Variants in TTLL6 observed in about 807,000 individuals in gnomAD.
The protein encoded by TTLL6 is tubulin tyrosine ligase like 6.
Under a neutral mutation model 96.4 loss-of-function variants are expected in TTLL6, and 75 were observed. The observed-to-expected ratio is 0.78, with a 90% CI of 0.65 to 0.94. TTLL6 has a LOEUF of 0.94. Among genes scored for constraint, TTLL6 ranks in the 40% least tolerant of loss-of-function variants. TTLL6 has a pLI of 0.00. For missense variants in TTLL6, 1,030 were observed against 1,093.0 expected (o/e 0.94, Z 0.81); for synonymous variants, 411 against 419.4 (o/e 0.98, Z 0.24).
intron 3 of TTLL6, among the ~76,000 whole-genome samples, chr17:48,802,382 C>T (rs981006526): frequency 1.3e-5 from 2 of 152,222 alleles, no homozygotes; most frequent in African/African-American, 4.8e-5. Context: ...ATTAAGCATG[C>T]ATTTTTTTAA....
intron 3 of TTLL6, among the ~76,000 whole-genome samples, chr17:48,802,663 G>T (rs2039445183): frequency 6.6e-6 from 1 of 152,242 alleles, no homozygotes; most frequent in African/African-American, 2.4e-5. Context: ...CTGAGGTCAG[G>T]AGTTCGAGAC....
chr17:48,816,929 C>T, intron 1 of TTLL6, 41 bp downstream of exon 1: 1 of 1,438,210 alleles, frequency 7.0e-7, no homozygotes, highest in South Asian at 1.3e-5. Context: ...CACCAGGAGG[C>T]TGCGGTCTGG....
chr17:48,816,015 A>G (rs1029728889), intron 1 of TTLL6, among the ~76,000 whole-genome samples: 2 of 152,174 alleles, frequency 1.3e-5, no homozygotes, highest in Admixed American at 1.3e-4. Flanking sequence ...GCCTCTCTGT[A>G]CCTCAGCTTC....
At chr17:48,796,859 G>A (rs1191010280) in intron 7 of TTLL6, among the ~76,000 whole-genome samples, 3 of 152,024 alleles carry the variant, frequency 2.0e-5, no homozygotes. Context: ...TTATGCTCTG[G>A]GTTTTAATCT....
At position 48,789,911 on chromosome 17, in the gene TTLL6, G is replaced by C; in HGVS notation, c.1400+20C>G. The C allele has an allele frequency of 5.0e-6, 8 of 1,612,564 alleles. No homozygotes were observed. Among genetic ancestry groups the C allele is most frequent in the South Asian group, 1.1e-5 (1 of 90,906 alleles). On this transcript the variant is annotated intron_variant, in intron 10 of 15. Transcript: ENST00000393382. ...GGAGTCAGAGAGAGAGCCCCGCAAG[G>C]CTGGGGAGTGCGAATGTACCTCATC...
At chr17:48,809,145 TC>T (rs11361950) in intron 1 of TTLL6, among the ~76,000 whole-genome samples, 22,745 of 152,180 alleles carry the variant, frequency 0.15, 1,927 homozygotes, top group African/African-American at 0.22. Flanking sequence ...GCCACTTGTT[TC>T]TTTCTCTTTC....
intron 15 of TTLL6, among the ~76,000 whole-genome samples, chr17:48,768,018 G>A (rs962466455): frequency 1.3e-5 from 2 of 152,182 alleles, no homozygotes; most frequent in Admixed American, 1.3e-4. Flanking sequence ...CTCAATTTTA[G>A]CCATAAGTGG....
intron 1 of TTLL6, among the ~76,000 whole-genome samples, chr17:48,811,743 G>A (rs1254787315): frequency 6.8e-6 from 1 of 148,000 alleles, no homozygotes; most frequent in African/African-American, 2.5e-5. Context: ...TGTCACCCAG[G>A]CTGGAGTGCA....
chr17:48,788,247 G>C (rs548317764), intron 10 of TTLL6, among the ~76,000 whole-genome samples: 1 of 152,196 alleles, frequency 6.6e-6, no homozygotes. Flanking sequence ...ACCAAATTCT[G>C]TCCTGTTCCA....
In TTLL6 at chr17:48,777,047, CA is replaced by C. The variant is rs60988272; in HGVS notation, c.2041-6951del. Among the ~76,000 whole-genome samples, 33 of 151,794 alleles carry C rather than the reference CA, an allele frequency of 2.2e-4. No homozygotes were observed. In the East Asian group the frequency reaches 4.1e-3, roughly 19 times the overall value. On this transcript the variant is annotated intron_variant, in intron 13 of 15. Coordinates refer to ENST00000393382, the MANE Select transcript of TTLL6 (RefSeq NM_001130918.3). ...ACACACACACACACACACACACACA[CA>C]CCCCTAAAAAATCAAAGGAACAGAA...
intron 15 of TTLL6, among the ~76,000 whole-genome samples, chr17:48,764,976 A>G (rs988388362): frequency 6.6e-6 from 1 of 152,220 alleles, no homozygotes; most frequent in Non-Finnish European, 1.5e-5. Context: ...AGTATCATTT[A>G]ACAGACAGAT....
intron 6 of TTLL6, among the ~76,000 whole-genome samples, chr17:48,797,826 A>G (rs1455982304): frequency 7.0e-6 from 1 of 143,630 alleles, no homozygotes; most frequent in Admixed American, 7.0e-5. Context: ...CTGATGGGCC[A>G]GGTGCAGTGG....
chr17:48,817,106 T>G lies in TTLL6; in HGVS notation c.-34A>C. 4 of 1,498,256 alleles carry G rather than the reference T, an allele frequency of 2.7e-6. No individual in the cohort carries two copies. The highest frequency in any genetic ancestry group is 3.6e-6 in the Non-Finnish European group (4 of 1,115,180). The allele number at this position is 1,498,256 out of a possible 1,614,324, so 92.8% of individuals were successfully genotyped here. ...AGACAGCCCCAACCCCAACCCGCGC[T>G]CGCCCTAACTTTGGGTCCGCCCGGC... On this transcript the variant is annotated 5_prime_UTR_variant, in exon 1 of 16. Coordinates refer to ENST00000393382, the MANE Select transcript of TTLL6 (RefSeq NM_001130918.3).
Position 48,787,904 on chromosome 17 carries a change from C to T in TTLL6, c.1496G>A (p.Ser499Asn), listed in dbSNP as rs1019384028. ...NCGGFRLIYPSLNSEKYEKFF... is the reference protein window; with the variant it reads ...NCGGFRLIYPNLNSEKYEKFF... ...CTTCTCATACTTCTCCGAATTCAGA[C>T]TGGGATAAATCAGTCGGAACCCTCC... The change falls in exon 11 of 16, where the codon AGT becomes AAT. Residue 499 changes from serine to asparagine, a missense_variant. Transcript: ENST00000393382. 6.2e-6 allele frequency: 10 copies of T among 1,614,086 alleles called. No homozygotes were observed. The highest frequency in any genetic ancestry group is 1.3e-5 in the African/African-American group (1 of 74,930).
At chr17:48,766,838 C>A (rs995308847) in intron 15 of TTLL6, among the ~76,000 whole-genome samples, 1 of 152,188 alleles carries the variant, frequency 6.6e-6, no homozygotes, top group Non-Finnish European at 1.5e-5. Flanking sequence ...CAATAACAGG[C>A]CCACAGGTCA....
chr17:48,775,960 T>C (rs760110477), intron 13 of TTLL6, among the ~76,000 whole-genome samples: 1 of 152,154 alleles, frequency 6.6e-6, no homozygotes, highest in African/African-American at 2.4e-5. Flanking sequence ...TAGTAAAAGA[T>C]TGAATGTTTC....
chr17:48,808,374 A>ATGTG (rs149038470), intron 1 of TTLL6, among the ~76,000 whole-genome samples: 1,560 of 148,670 alleles, frequency 0.01, 11 homozygotes, highest in African/African-American at 0.031. Context: ...TCTCATATGT[A>ATGTG]TGTGTGTGTG....
At position 48,770,061 on chromosome 17, in the gene TTLL6, T is replaced by C. The variant is rs1597958867; in HGVS notation, c.2077A>G (p.Thr693Ala). 6.2e-7 allele frequency: 1 copy of C among 1,613,142 alleles called. No individual in the cohort carries two copies. The stretch of plus-strand genomic sequence containing the variant: ...GACTTTGGGGAGATTGAGAGTTGGG[T>C]GGTGGATTCTGGGGTGGTTTCTACG... ...TSVETTPEST[T>A]QLSISPKSPP... The change falls in exon 14 of 16, where the codon ACC (threonine) becomes GCC (alanine). Residue 693 changes from threonine (T) to alanine (A), a missense_variant. Transcript: ENST00000393382.
rs753077737 is a variant in TTLL6, at chr17:48,774,230, G to GT, written c.2041-4134dup. Among the ~76,000 whole-genome samples the GT allele has an allele frequency of 1.7e-4, 20 of 117,782 alleles. 1 individual carries two copies. The highest frequency in any genetic ancestry group is 3.1e-4 in the African/African-American group (10 of 32,572). 77.3% of individuals were successfully genotyped at this position (117,782 alleles called of 152,430 possible). On this transcript the variant is annotated intron_variant, in intron 13 of 15. Coordinates refer to ENST00000393382, the MANE Select transcript of TTLL6 (RefSeq NM_001130918.3). Reference sequence around the variant, plus strand: ...CTCAATGAAACCAAAATCCAGGTTTGTTGTTTTTTTTTTTTTTTTTTTGAG... The same window carrying GT: ...CTCAATGAAACCAAAATCCAGGTTTGTTTGTTTTTTTTTTTTTTTTTTTGAG...
Sources: allele counts gnomAD v4.1 joint callset (sites outside exome capture counted in the v4.1 genomes callset), GRCh38; gene constraint gnomAD v4.1.1; transcripts MANE v1.5; gene names NCBI Gene and HGNC (gene_info 2026-07-23, HGNC 2026-07-21).